TSPEAR: variants seen among roughly 807,000 people sequenced by gnomAD.
TSPEAR encodes the protein thrombospondin-type laminin G domain and EAR repeat-containing protein.
A neutral mutation model predicts 71.6 loss-of-function variants in TSPEAR; 69 were observed. The ratio of observed to expected loss-of-function variants is 0.96; its 90% CI spans 0.79 to 1.18. TSPEAR has a LOEUF of 1.18. TSPEAR is among the 50% of genes most tolerant of loss of function. The pLI is 0.00. For synonymous variants in TSPEAR, 402 were observed against 387.2 expected, an observed-to-expected ratio of 1.04 and a Z score of -0.45; for missense variants, 971 against 894.9, an observed-to-expected ratio of 1.09 and a Z score of -1.09.
At chr21:44,663,604 G>C (rs1326653181) in intron 1 of TSPEAR, among the ~76,000 whole-genome samples, 1 of 151,972 alleles carries the variant, frequency 6.6e-6, no homozygotes, top group Non-Finnish European at 1.5e-5. Flanking sequence ...TAAATTCATA[G>C]AGCCAGCATA....
chr21:44,586,152 GA>G (rs368089509), intron 1 of TSPEAR, among the ~76,000 whole-genome samples: 1 of 152,242 alleles, frequency 6.6e-6, no homozygotes, highest in African/African-American at 2.4e-5. Context: ...TTCTTCTTTA[GA>G]ACTCAACCCT....
At chr21:44,569,031 C>T (rs1437337565) in intron 1 of TSPEAR, among the ~76,000 whole-genome samples, 2 of 152,198 alleles carry the variant, frequency 1.3e-5, no homozygotes, top group Admixed American at 6.5e-5. Flanking sequence ...CCCCGCCTGC[C>T]TGCACGTGGC....
chr21:44,646,351 G>C, intron 1 of TSPEAR: 1 of 1,463,380 alleles, frequency 6.8e-7, no homozygotes, highest in Non-Finnish European at 9.2e-7. Context: ...ACACATGCCA[G>C]GGAGGGATTT....
At chr21:44,651,143 A>C (rs1432347562) in intron 1 of TSPEAR, among the ~76,000 whole-genome samples, 1 of 152,138 alleles carries the variant, frequency 6.6e-6, no homozygotes, top group Admixed American at 6.5e-5. Context: ...AGCTCCCACA[A>C]TGGACAGGCC....
At chr21:44,590,332 G>A (rs587773705) in intron 1 of TSPEAR, among the ~76,000 whole-genome samples, 1 of 150,238 alleles carries the variant, frequency 6.7e-6, no homozygotes, top group African/African-American at 2.5e-5. Context: ...AGAGCTGAGG[G>A]CTATTTGGAG....
At chr21:44,649,172 G>A (rs73909215) in intron 1 of TSPEAR, among the ~76,000 whole-genome samples, 2,497 of 152,308 alleles carry the variant, frequency 0.016, 74 homozygotes, top group African/African-American at 0.058. Flanking sequence ...GTAAGGCGAG[G>A]ACATGGTTGG....
intron 2 of TSPEAR, chr21:44,551,631 T>C: frequency 1.1e-6 from 1 of 937,576 alleles, no homozygotes; most frequent in Non-Finnish European, 1.6e-6. Context: ...GTGTTGGTGT[T>C]TGGAGCCGGG....
At chr21:44,505,708 C>G (rs1386504858) in intron 10 of TSPEAR, among the ~76,000 whole-genome samples, 5 of 151,766 alleles carry the variant, frequency 3.3e-5, no homozygotes, top group East Asian at 1.9e-4. Context: ...TCCAGTGACT[C>G]AAGGTTCATC....
In TSPEAR at chr21:44,580,220, C is replaced by G. The variant is rs376855583; in HGVS notation, c.83-12215G>C. 2.5e-6 allele frequency: 4 copies of G among 1,613,918 alleles called. No homozygotes were observed. In the African/African-American group the frequency reaches 5.3e-5, roughly 22 times the overall value. On this transcript the variant is annotated intron_variant, in intron 1 of 11. Coordinates refer to ENST00000323084, the MANE Select transcript of TSPEAR (RefSeq NM_144991.3). ...CTGCTGGCAGGAGGAAGAGGCACAG[C>G]AAGTTGGCTGGCAGCTAGACTGCTG...
intron 1 of TSPEAR, among the ~76,000 whole-genome samples, chr21:44,683,701 G>A (rs60327918): frequency 0.14 from 20,905 of 151,304 alleles, 1,568 homozygotes; most frequent in South Asian, 0.17. Context: ...AAAAGATATA[G>A]GTAAATTTAA....
At chr21:44,614,911 C>T (rs1373011325) in intron 1 of TSPEAR, among the ~76,000 whole-genome samples, 61 of 152,212 alleles carry the variant, frequency 4.0e-4, no homozygotes, top group Non-Finnish European at 2.8e-4. Flanking sequence ...GGCCTTGGAA[C>T]ATGAGACATC....
At chr21:44,543,425 C>G (rs1321754306) in intron 2 of TSPEAR, among the ~76,000 whole-genome samples, 1 of 152,134 alleles carries the variant, frequency 6.6e-6, no homozygotes, top group Non-Finnish European at 1.5e-5. Context: ...ATAATCTCCA[C>G]TATAATAACA....
intron 1 of TSPEAR, among the ~76,000 whole-genome samples, chr21:44,693,945 A>G (rs58881059): frequency 0.02 from 2,987 of 152,342 alleles, 99 homozygotes; most frequent in African/African-American, 0.068. Flanking sequence ...ATCTACCAAC[A>G]GATGAATGGA....
At chr21:44,516,076 TCA>T (rs2052557937) in intron 9 of TSPEAR, 2 of 152,312 alleles carry the variant, frequency 1.3e-5, no homozygotes, top group East Asian at 1.9e-4. Flanking sequence ...CTCCTGAGCC[TCA>T]GTTTCCACAC....
chr21:44,671,745 G>A (rs1426576228), intron 1 of TSPEAR, among the ~76,000 whole-genome samples: 3 of 150,014 alleles, frequency 2.0e-5, no homozygotes, highest in Non-Finnish European at 4.4e-5. Context: ...AGAAGTGATT[G>A]TTATGTCAGA....
Position 44,642,816 on chromosome 21 carries a change from T to C in TSPEAR, c.82+68617A>G, listed in dbSNP as rs1403353504. ...GAGATTGTGCCACTGCACTCCAGCC[T>C]GGGCAACAGAGCGAGACTCTATCTC... On this transcript the variant is annotated intron_variant, in intron 1 of 11. Coordinates refer to ENST00000323084, the MANE Select transcript of TSPEAR (RefSeq NM_144991.3). The surrounding 1 kb of genome is among the most constrained non-coding windows in gnomAD (Gnocchi z 4.1). Among the ~76,000 whole-genome samples, 2 of 151,852 alleles carry C rather than the reference T, an allele frequency of 1.3e-5. No homozygotes were observed. Among genetic ancestry groups the C allele is most frequent in the East Asian group, 3.9e-4 (2 of 5,180 alleles).
chr21:44,703,613 C>T (rs1569269526), intron 1 of TSPEAR, among the ~76,000 whole-genome samples: 2 of 152,208 alleles, frequency 1.3e-5, no homozygotes, highest in East Asian at 3.8e-4. Context: ...AAATGGCCAA[C>T]GCCTTCTGTT....
chr21:44,574,696 G>A (rs782334466), intron 1 of TSPEAR: 31 of 1,606,632 alleles, frequency 1.9e-5, no homozygotes, highest in Non-Finnish European at 2.6e-5. Flanking sequence ...TCCTCCCAAA[G>A]CCAGCAGGGC....
rs1207355608 is a variant in TSPEAR at position 44,499,192 on chromosome 21, G to A, written c.*591C>T. ...TGACCTCGCGCTAGTGCATTTACGG[G>A]TAAACTGAGGCTGGGAGGGAAGCCT... On this transcript the variant is annotated 3_prime_UTR_variant, in exon 12 of 12. Coordinates refer to ENST00000323084, the MANE Select transcript of TSPEAR (RefSeq NM_144991.3). The A allele has an allele frequency of 6.6e-6, 1 of 152,270 alleles. No individual in the cohort carries two copies. The highest frequency in any genetic ancestry group is 1.9e-4 in the East Asian group (1 of 5,194). The allele number at this position is 152,270 out of a possible 1,614,324, so 9.4% of individuals were successfully genotyped here.
Sources: allele counts gnomAD v4.1 joint callset (sites outside exome capture counted in the v4.1 genomes callset), GRCh38; gene constraint gnomAD v4.1.1; non-coding constraint Gnocchi (gnomAD v3.1); transcripts MANE v1.5; gene names NCBI Gene and HGNC (gene_info 2026-07-23, HGNC 2026-07-21).